Variants in TUSC3 observed in about 807,000 individuals in gnomAD.
TUSC3 encodes the protein dolichyl-diphosphooligosaccharide--protein glycosyltransferase subunit TUSC3.
Under a neutral mutation model 44.8 loss-of-function variants are expected in TUSC3, and 45 were observed. That is an observed-to-expected ratio of 1.00 (90% CI 0.79 to 1.29). The LOEUF (loss-of-function observed/expected upper bound fraction) is 1.29, where lower values mean the gene tolerates loss of function less well. Among genes scored for constraint, TUSC3 ranks in the 50% most tolerant of loss-of-function variants. The pLI, the probability that TUSC3 is intolerant of heterozygous loss-of-function variation, is 0.00. For missense variants in TUSC3, 519 were observed against 437.9 expected (o/e 1.19, Z -1.65); for synonymous variants, 212 against 152.9 (o/e 1.39, Z -2.85).
chr8:15,506,070 G>A (rs551135199), intron 2 of TUSC3, among the ~76,000 whole-genome samples: 2 of 152,186 alleles, frequency 1.3e-5, no homozygotes, highest in Admixed American at 6.5e-5. Context: ...ATCAGTGATT[G>A]TAAACCTGCC....
At chr8:15,539,345 CTT>C (rs35685582), upstream of TUSC3, among the ~76,000 whole-genome samples, 72 of 69,388 alleles carry the variant, frequency 1.0e-3, no homozygotes, top group African/African-American at 3.9e-3. Context: ...TGCTATGGTT[CTT>C]TTTTTTTTTT....
intron 3 of TUSC3, among the ~76,000 whole-genome samples, chr8:15,658,011 T>A (rs1807251738): frequency 6.6e-6 from 1 of 152,118 alleles, no homozygotes; most frequent in African/African-American, 2.4e-5. Flanking sequence ...ATAGCACTCA[T>A]CCCACCCATG....
intron 1 of TUSC3, among the ~76,000 whole-genome samples, chr8:15,578,924 C>T (rs1325093320): frequency 1.7e-4 from 26 of 152,086 alleles, no homozygotes; most frequent in Non-Finnish European, 1.6e-4. Context: ...TGGTAGAATT[C>T]AGCTGTGAAT....
the TUSC3 span, among the ~76,000 whole-genome samples, chr8:15,824,890 G>A: frequency 7.2e-5 from 11 of 152,112 alleles, no homozygotes; most frequent in Non-Finnish European, 1.2e-4. Context: ...GGACTGAAAA[G>A]TTTCAGTATC....
At chr8:15,536,080 C>T (rs1308932931), upstream of TUSC3, among the ~76,000 whole-genome samples, 1 of 152,014 alleles carries the variant, frequency 6.6e-6, no homozygotes, top group Non-Finnish European at 1.5e-5. Context: ...TCCAGTGTGC[C>T]CCAGGGAATA....
chr8:15,434,694 C>T (rs1247037330), intron 1 of TUSC3, among the ~76,000 whole-genome samples: 1 of 151,724 alleles, frequency 6.6e-6, no homozygotes, highest in Non-Finnish European at 1.5e-5. Flanking sequence ...ACTTCCCCCA[C>T]CCCACAACAG....
At chr8:15,829,077 C>G in the TUSC3 span, among the ~76,000 whole-genome samples, 10 of 152,118 alleles carry the variant, frequency 6.6e-5, no homozygotes, top group Non-Finnish European at 1.5e-4. Context: ...TCTTCTCATA[C>G]TTACCCACTT....
chr8:15,683,230 T>C (rs560222299), intron 6 of TUSC3, among the ~76,000 whole-genome samples: 1 of 152,334 alleles, frequency 6.6e-6, no homozygotes, highest in East Asian at 1.9e-4. Flanking sequence ...GTGGGTTATA[T>C]CCTCAAATAT....
intron 1 of TUSC3, among the ~76,000 whole-genome samples, chr8:15,593,891 A>G (rs1803957949): frequency 6.6e-6 from 1 of 152,052 alleles, no homozygotes; most frequent in South Asian, 2.1e-4. Context: ...CAGAATGTTA[A>G]TTGTGAGGAT....
intron 1 of TUSC3, among the ~76,000 whole-genome samples, chr8:15,445,690 A>G (rs1044876734): frequency 6.6e-6 from 1 of 152,234 alleles, no homozygotes; most frequent in African/African-American, 2.4e-5. Context: ...AGTACAAAAC[A>G]AAATGGAGTC....
intron 1 of TUSC3, among the ~76,000 whole-genome samples, chr8:15,544,565 A>G (rs1472966466): frequency 3.3e-5 from 5 of 151,834 alleles, no homozygotes; most frequent in Admixed American, 2.0e-4. Context: ...CATAACTTCT[A>G]TATGTCATTA....
intron 10 of TUSC3, among the ~76,000 whole-genome samples, chr8:15,763,659 AT>A (rs1259838305): frequency 2.0e-5 from 3 of 152,094 alleles, no homozygotes; most frequent in South Asian, 2.1e-4. Flanking sequence ...GTTTAAAAAA[AT>A]AACATAGTTA....
At chr8:15,489,104 C>T (rs975806719) in intron 2 of TUSC3, among the ~76,000 whole-genome samples, 5 of 152,086 alleles carry the variant, frequency 3.3e-5, no homozygotes, top group African/African-American at 1.2e-4. Context: ...AAACATGTGT[C>T]CAACATGGTT....
intron 1 of TUSC3, among the ~76,000 whole-genome samples, chr8:15,471,369 G>A (rs1355671924): frequency 6.6e-6 from 1 of 152,046 alleles, no homozygotes; most frequent in East Asian, 1.9e-4. Context: ...AATTGGTTTT[G>A]TTATACATCT....
intron 6 of TUSC3, among the ~76,000 whole-genome samples, chr8:15,697,831 C>T (rs889617803): frequency 2.0e-5 from 3 of 152,152 alleles, no homozygotes; most frequent in African/African-American, 7.2e-5. Flanking sequence ...AACTAGCAGA[C>T]TTAGCTATAT....
chr8:15,744,479 G>A (rs373981768), intron 8 of TUSC3, among the ~76,000 whole-genome samples: 2 of 151,962 alleles, frequency 1.3e-5, no homozygotes, highest in Non-Finnish European at 2.9e-5. Context: ...CAAAATTTAT[G>A]TATGAGCAGT....
chr8:15,492,345 C>T (rs1800820414), intron 2 of TUSC3, among the ~76,000 whole-genome samples: 1 of 152,114 alleles, frequency 6.6e-6, no homozygotes, highest in Non-Finnish European at 1.5e-5. Context: ...TTAACATTAA[C>T]CTCTTGGTAT....
chr8:15,620,107 T>A (rs1805177769), intron 1 of TUSC3, among the ~76,000 whole-genome samples: 1 of 152,170 alleles, frequency 6.6e-6, no homozygotes, highest in Non-Finnish European at 1.5e-5. Flanking sequence ...CCATTGTCGA[T>A]TAACTTGGAA....
chr8:15,724,154 C>T lies in TUSC3; in HGVS notation c.799-6512C>T, dbSNP rs352762. Reference sequence around the variant, plus strand: ...TCACAAAGAAGAGGTCATGTGAGCACACAGTGAGAAGCTGGCTGTCTTCTG... The same window carrying T: ...TCACAAAGAAGAGGTCATGTGAGCATACAGTGAGAAGCTGGCTGTCTTCTG... On this transcript the variant is annotated intron_variant, in intron 6 of 10. Coordinates refer to ENST00000503731, the MANE Select transcript of TUSC3 (RefSeq NM_006765.4). Among the ~76,000 whole-genome samples, 888 of 152,242 alleles carry T rather than the reference C, an allele frequency of 5.8e-3. 10 individuals are homozygous for T. Among genetic ancestry groups the T allele is most frequent in the African/African-American group, 0.02 (826 of 41,556 alleles).
Sources: gnomAD v4.1 joint callset for allele counts (sites outside exome capture counted in the v4.1 genomes callset) on GRCh38, gnomAD v4.1.1 for gene constraint, MANE v1.5 for transcripts, NCBI Gene and HGNC (gene_info 2026-07-23, HGNC 2026-07-21) for gene names.